Variants in SCN8A observed in about 807,000 individuals in gnomAD.
SCN8A encodes the protein sodium channel protein type 8 subunit alpha.
SCN8A carries 30 observed loss-of-function variants against 184.1 expected under a neutral mutation model. That is an observed-to-expected ratio of 0.16 (90% CI 0.12 to 0.22). The LOEUF is 0.22. Ranked by LOEUF, SCN8A falls within the 10% of genes least tolerant of loss-of-function variation. The pLI is 1.00. For synonymous variants in SCN8A, 852 were observed against 907.0 expected, an observed-to-expected ratio of 0.94 and a Z score of 1.09; for missense variants, 1,057 against 2,498.9, an observed-to-expected ratio of 0.42 and a Z score of 12.30.
intron 6 of SCN8A, among the ~76,000 whole-genome samples, chr12:51,690,394 G>A (rs1941486746): frequency 6.6e-6 from 1 of 152,096 alleles, no homozygotes; most frequent in South Asian, 2.1e-4. Flanking sequence ...GTCTCACTCT[G>A]TTGCCCAGGC....
At chr12:51,797,999 C>T (rs1425307250) in intron 26 of SCN8A, among the ~76,000 whole-genome samples, 1 of 152,160 alleles carries the variant, frequency 6.6e-6, no homozygotes, top group Non-Finnish European at 1.5e-5. Context: ...CTTCCATTTC[C>T]ACCCCTTGAT....
chr12:51,672,315 A>G (rs890736864), intron 2 of SCN8A, among the ~76,000 whole-genome samples: 1 of 152,154 alleles, frequency 6.6e-6, no homozygotes, highest in Non-Finnish European at 1.5e-5. Flanking sequence ...GATCTTCCCA[A>G]TAACATCTCA....
chr12:51,749,414 G>A (rs959768501), intron 13 of SCN8A, among the ~76,000 whole-genome samples: 3 of 152,198 alleles, frequency 2.0e-5, no homozygotes, highest in Admixed American at 6.5e-5. Flanking sequence ...ACCTCCACGT[G>A]CCAATGAGCA....
At chr12:51,660,362 T>C (rs1448586812) in intron 1 of SCN8A, among the ~76,000 whole-genome samples, 1 of 152,194 alleles carries the variant, frequency 6.6e-6, no homozygotes, top group African/African-American at 2.4e-5. Context: ...TCACAAGAAT[T>C]TGTCAGCATC....
In SCN8A at chr12:51,705,584, A is replaced by C; in HGVS notation, c.1302A>C (p.Ala434=). The change falls in exon 10 of 27, where the codon GCA becomes GCC. Residue 434 remains alanine (A), a synonymous_variant. Coordinates refer to ENST00000627620, the MANE Select transcript of SCN8A (RefSeq NM_001330260.2). ...AACAAAAAGAGGCTGAATTTAAAGC[A>C]ATGTTGGAGCAACTTAAGAAGCAAC... ...EAEQKEAEFK[A]MLEQLKKQQE... is the part of the protein sequence containing the mutation. 1.9e-6 allele frequency: 3 copies of C among 1,613,846 alleles called. No individual in the cohort carries two copies. Among genetic ancestry groups the C allele is most frequent in the South Asian group, 2.2e-5 (2 of 91,008 alleles).
At chr12:51,648,644 A>G (rs887656630) in intron 1 of SCN8A, among the ~76,000 whole-genome samples, 1 of 152,216 alleles carries the variant, frequency 6.6e-6, no homozygotes, top group African/African-American at 2.4e-5. Flanking sequence ...TAAAACCACT[A>G]GATCTCGTGA....
Position 51,804,327 on chromosome 12 carries a change from C to CA in SCN8A, c.4796-1955_4796-1954insA, listed in dbSNP as rs530886101. ...CTGGTTTCTTTTCTTTTTCTCTTTT[C>CA]TTTTTTTTTTTTTTTTAAAGACAGA... On this transcript the variant is annotated intron_variant, in intron 26 of 26. Coordinates refer to ENST00000627620, the MANE Select transcript of SCN8A (RefSeq NM_001330260.2). Among the ~76,000 whole-genome samples, 780 of 144,000 alleles carry CA rather than the reference C, an allele frequency of 5.4e-3. 6 individuals are homozygous for CA. Among genetic ancestry groups the CA allele is most frequent in the Middle Eastern group, 0.014 (4 of 276 alleles). The allele number at this position is 144,000 out of a possible 152,430, so 94.5% of individuals were successfully genotyped here. A position where few individuals can be genotyped will look rare whatever the true frequency, so the allele number is the denominator to read the frequency against.
intron 8 of SCN8A, among the ~76,000 whole-genome samples, chr12:51,702,399 T>G (rs1358423704): frequency 6.6e-6 from 1 of 151,866 alleles, no homozygotes. Context: ...TTTGATTGAA[T>G]TGCACATTGA....
chr12:51,749,078 A>G (rs1246201541), intron 13 of SCN8A, among the ~76,000 whole-genome samples: 1 of 152,204 alleles, frequency 6.6e-6, no homozygotes, highest in Non-Finnish European at 1.5e-5. Flanking sequence ...CCCAAGCCAA[A>G]TACTGGGCCA....
Position 51,788,736 on chromosome 12 carries a change from A to G in SCN8A, c.4269A>G (p.Val1423=), listed in dbSNP as rs757381500. The change falls in exon 23 of 27, where the codon GTA becomes GTG. Residue 1423 remains valine (V), a synonymous_variant. Coordinates refer to ENST00000627620, the MANE Select transcript of SCN8A (RefSeq NM_001330260.2). The part of the protein sequence containing the change: ...KGWMDIMYAA[V]DSRKPDEQPK... ...GGATGGACATCATGTATGCAGCTGT[A>G]GATTCCCGGAAGGTAAGGATGTACA... 13 of 1,610,068 alleles carry G rather than the reference A, an allele frequency of 8.1e-6. No homozygotes were observed. In the East Asian group the frequency reaches 2.9e-4, roughly 36 times the overall value.
At chr12:51,648,953 C>T (rs1940649417) in intron 1 of SCN8A, among the ~76,000 whole-genome samples, 1 of 152,130 alleles carries the variant, frequency 6.6e-6, no homozygotes, top group Non-Finnish European at 1.5e-5. Flanking sequence ...TCCCTTTTGC[C>T]TATGAGCCTG....
intron 1 of SCN8A, among the ~76,000 whole-genome samples, chr12:51,652,884 G>A (rs188315022): frequency 3.6e-4 from 55 of 152,254 alleles, no homozygotes; most frequent in South Asian, 2.3e-3. Flanking sequence ...AGACTATAAG[G>A]TCCTTTGAAG....
chr12:51,756,711 C>CT (rs917693256), intron 14 of SCN8A, among the ~76,000 whole-genome samples: 2 of 152,208 alleles, frequency 1.3e-5, no homozygotes, highest in African/African-American at 4.8e-5. Flanking sequence ...GACCTCCTCG[C>CT]TCCCCTCCAT....
intron 6 of SCN8A, among the ~76,000 whole-genome samples, chr12:51,692,082 G>T (rs909546510): frequency 6.6e-6 from 1 of 152,154 alleles, no homozygotes; most frequent in African/African-American, 2.4e-5. Flanking sequence ...AAGTTTTCTC[G>T]TGGATCACTT....
chr12:51,707,125 C>A (rs1941798595), intron 11 of SCN8A, among the ~76,000 whole-genome samples: 1 of 151,858 alleles, frequency 6.6e-6, no homozygotes, highest in Admixed American at 6.6e-5. Flanking sequence ...TTGATGGGCA[C>A]TTAGGTTGAT....
Position 51,663,472 on chromosome 12 carries a change from G to C in SCN8A, c.276+379G>C, listed in dbSNP as rs1940965805. On this transcript the variant is annotated intron_variant, in intron 2 of 26. Transcript: ENST00000627620. ...AGATGTTGTTACTATTGTGACATCA[G>C]TAGAGTAGTGTGGTGGAGATGGTGT... 2.0e-5 allele frequency among the ~76,000 whole-genome samples: 3 copies of C among 152,180 alleles called. No homozygotes were observed. In the South Asian group the frequency reaches 6.2e-4, roughly 32 times the overall value.
At chr12:51,781,230 G>A (rs571664967) in intron 21 of SCN8A, among the ~76,000 whole-genome samples, 2 of 152,284 alleles carry the variant, frequency 1.3e-5, no homozygotes, top group African/African-American at 2.4e-5. Context: ...GAATGGGCTT[G>A]AAGATATGAC....
chr12:51,766,232 C>T, intron 16 of SCN8A: 1 of 593,230 alleles, frequency 1.7e-6, no homozygotes, highest in Admixed American at 3.0e-5. Context: ...ATGACCCCCA[C>T]AACTTGTCAA....
At chr12:51,762,732 A>G in intron 15 of SCN8A, 56 bp downstream of exon 15, 2 of 1,409,892 alleles carry the variant, frequency 1.4e-6, no homozygotes, top group Non-Finnish European at 1.9e-6. Flanking sequence ...GCTACTAGAA[A>G]GAGTTCTGCA....
Sources: allele counts gnomAD v4.1 joint callset (sites outside exome capture counted in the v4.1 genomes callset), GRCh38; gene constraint gnomAD v4.1.1; transcripts MANE v1.5; gene names NCBI Gene and HGNC (gene_info 2026-07-23, HGNC 2026-07-21).